Variants in ARHGAP26 observed in about 807,000 individuals in gnomAD.
ARHGAP26 encodes rho GTPase-activating protein 26.
Under a neutral mutation model 104.8 loss-of-function variants are expected in ARHGAP26, and 38 were observed. The ratio of observed to expected loss-of-function variants is 0.36; its 90% confidence interval spans 0.28 to 0.48. The LOEUF (loss-of-function observed/expected upper bound fraction) is 0.48. Among genes scored for constraint, ARHGAP26 ranks in the 20% least tolerant of loss-of-function variants. The pLI is 0.99. For synonymous variants in ARHGAP26, 341 were observed against 340.0 expected (o/e 1.00, Z -0.03); for missense variants, 704 against 947.9 (o/e 0.74, Z 3.38).
At chr5:142,874,285 A>G (rs1755759747) in intron 2 of ARHGAP26, among the ~76,000 whole-genome samples, 1 of 152,162 alleles carries the variant, frequency 6.6e-6, no homozygotes, top group Non-Finnish European at 1.5e-5. Flanking sequence ...GTCATTGCAC[A>G]CTATTCTTCT....
chr5:142,826,350 C>G (rs1219223261), intron 1 of ARHGAP26, among the ~76,000 whole-genome samples: 1 of 152,174 alleles, frequency 6.6e-6, no homozygotes, highest in Non-Finnish European at 1.5e-5. Flanking sequence ...ACTCATTTAA[C>G]CCCTACCACA....
chr5:142,942,613 T>A (rs1190354824), intron 11 of ARHGAP26, among the ~76,000 whole-genome samples: 1 of 152,262 alleles, frequency 6.6e-6, no homozygotes, highest in Admixed American at 6.5e-5. Flanking sequence ...TCTAAGTTCA[T>A]GGACTCCCTG....
intron 3 of ARHGAP26, among the ~76,000 whole-genome samples, chr5:142,876,527 G>A (rs1756119718): frequency 6.6e-6 from 1 of 152,092 alleles, no homozygotes; most frequent in African/African-American, 2.4e-5. Flanking sequence ...TGTAATCCCA[G>A]CACCTTGGGA....
At chr5:142,925,545 C>A (rs1763789443) in intron 10 of ARHGAP26, among the ~76,000 whole-genome samples, 1 of 152,180 alleles carries the variant, frequency 6.6e-6, no homozygotes, top group Admixed American at 6.5e-5. Context: ...CTCTTCTGAA[C>A]CCGAACCATT....
chr5:143,037,895 C>A (rs967323240), intron 13 of ARHGAP26, among the ~76,000 whole-genome samples: 7 of 152,162 alleles, frequency 4.6e-5, no homozygotes, highest in Admixed American at 4.6e-4. Flanking sequence ...TGGGGACCAC[C>A]CAGGTAGAGA....
chr5:143,046,679 T>G (rs1435218474), intron 14 of ARHGAP26, among the ~76,000 whole-genome samples: 1 of 152,222 alleles, frequency 6.6e-6, no homozygotes, highest in Non-Finnish European at 1.5e-5. Flanking sequence ...GATAAATCTT[T>G]CCAAATTTTA....
chr5:143,131,937 G>C (rs955879342), intron 18 of ARHGAP26, among the ~76,000 whole-genome samples: 1 of 152,204 alleles, frequency 6.6e-6, no homozygotes, highest in Admixed American at 6.5e-5. Flanking sequence ...CTATTATAGA[G>C]GCTCAGTAAG....
intron 17 of ARHGAP26, among the ~76,000 whole-genome samples, chr5:143,070,202 A>G (rs148582068): frequency 1.3e-5 from 2 of 152,314 alleles, no homozygotes; most frequent in Non-Finnish European, 2.9e-5. Context: ...CCATTTTGCT[A>G]CTTTAAGAAC....
At chr5:142,899,741 G>C (rs1274561242) in intron 6 of ARHGAP26, among the ~76,000 whole-genome samples, 3 of 152,110 alleles carry the variant, frequency 2.0e-5, no homozygotes, top group African/African-American at 7.2e-5. Context: ...AAGGTGCTGG[G>C]AGGAGAGAAG....
intron 17 of ARHGAP26, among the ~76,000 whole-genome samples, chr5:143,095,547 G>A (rs899376891): frequency 6.6e-6 from 1 of 152,132 alleles, no homozygotes; most frequent in African/African-American, 2.4e-5. Context: ...TTACATTTTT[G>A]TAAATCTCCT....
intron 17 of ARHGAP26, among the ~76,000 whole-genome samples, chr5:143,115,310 A>G (rs1251799676): frequency 6.6e-6 from 1 of 151,674 alleles, no homozygotes; most frequent in Non-Finnish European, 1.5e-5. Context: ...TCCAGCCTGC[A>G]CGACAAGAGT....
At chr5:143,178,247 A>T (rs996501510) in intron 20 of ARHGAP26, among the ~76,000 whole-genome samples, 1 of 151,504 alleles carries the variant, frequency 6.6e-6, no homozygotes, top group African/African-American at 2.4e-5. Context: ...TGATCTGCCC[A>T]CCTCAGCCTC....
chr5:142,837,191 T>C (rs1018658287), intron 1 of ARHGAP26, among the ~76,000 whole-genome samples: 1 of 152,176 alleles, frequency 6.6e-6, no homozygotes, highest in African/African-American at 2.4e-5. Flanking sequence ...TGGGATTAGG[T>C]TCCTTTTAAG....
At chr5:143,194,743 G>A (rs1056043658) in intron 20 of ARHGAP26, among the ~76,000 whole-genome samples, 4 of 152,054 alleles carry the variant, frequency 2.6e-5, no homozygotes, top group Admixed American at 6.6e-5. Flanking sequence ...TTTCTCCAGC[G>A]GAAAGGGTGA....
At chr5:143,212,420 C>T (rs1484875582) in intron 21 of ARHGAP26, among the ~76,000 whole-genome samples, 1 of 151,630 alleles carries the variant, frequency 6.6e-6, no homozygotes, top group African/African-American at 2.4e-5. Flanking sequence ...ATGTTTGGTC[C>T]TTGCTGGCCA....
At chr5:143,071,048 C>A (rs1788178377) in intron 17 of ARHGAP26, among the ~76,000 whole-genome samples, 1 of 152,210 alleles carries the variant, frequency 6.6e-6, no homozygotes, top group African/African-American at 2.4e-5. Flanking sequence ...TGGTATCACA[C>A]TACCCAACCT....
At chr5:142,976,706 GAC>G (rs1773148699) in intron 11 of ARHGAP26, among the ~76,000 whole-genome samples, 1 of 152,238 alleles carries the variant, frequency 6.6e-6, no homozygotes. Flanking sequence ...AGATTGGAAA[GAC>G]AGTTCTGTAG....
At chr5:143,155,638 G>C (rs258807) in intron 20 of ARHGAP26, among the ~76,000 whole-genome samples, 4 of 152,080 alleles carry the variant, frequency 2.6e-5, no homozygotes, top group African/African-American at 4.8e-5. Context: ...GTCAGCAGAG[G>C]GGGTATGGGA....
intron 1 of ARHGAP26, among the ~76,000 whole-genome samples, chr5:142,800,572 A>G (rs1761896608): frequency 6.6e-6 from 1 of 152,132 alleles, no homozygotes; most frequent in African/African-American, 2.4e-5. Flanking sequence ...CATGTTGGTC[A>G]GGCTGGTCTC....
Sources: allele counts gnomAD v4.1 joint callset (sites outside exome capture counted in the v4.1 genomes callset), GRCh38; gene constraint gnomAD v4.1.1; transcripts MANE v1.5; gene names NCBI Gene and HGNC (gene_info 2026-07-23, HGNC 2026-07-21).